DIP2C: variants seen among roughly 807,000 people sequenced by gnomAD.
DIP2C encodes the protein DIP2 acetate--CoA ligase C (putative).
A neutral mutation model predicts 192.4 loss-of-function variants in DIP2C; 33 were observed. The ratio of observed to expected loss-of-function variants is 0.17; its 90% CI spans 0.13 to 0.23. DIP2C has a LOEUF of 0.23. Among genes scored for constraint, DIP2C ranks in the 10% least tolerant of loss-of-function variants. The pLI is 1.00. For missense variants in DIP2C, 1,537 were observed against 2,110.1 expected, an observed-to-expected ratio of 0.73 and a Z score of 5.32; for synonymous variants, 979 against 864.1, an observed-to-expected ratio of 1.13 and a Z score of -2.33.
intron 3 of DIP2C, among the ~76,000 whole-genome samples, chr10:454,338 C>T (rs1339977324): frequency 3.3e-5 from 5 of 152,014 alleles, no homozygotes; most frequent in African/African-American, 4.8e-5. Flanking sequence ...CATTTAACAG[C>T]GTTTCTTAAA....
At chr10:541,620 C>T (rs1203636151) in intron 1 of DIP2C, among the ~76,000 whole-genome samples, 1 of 149,022 alleles carries the variant, frequency 6.7e-6, no homozygotes, top group Non-Finnish European at 1.5e-5. Flanking sequence ...CCACACCCAT[C>T]TCTCCTGGAC....
Position 359,472 on chromosome 10 carries a change from T to C in DIP2C, c.2795-1535A>G, listed in dbSNP as rs746869059. Among the ~76,000 whole-genome samples the C allele has an allele frequency of 2.0e-5, 3 of 152,138 alleles. No individual in the cohort carries two copies. In the South Asian group the frequency reaches 6.2e-4, roughly 32 times the overall value. ...GTAGGAGCCTCGAGTCTGGACTCTGTGTAACAGTAAGATGCCTCCTACACT... is the reference window on the plus strand; with the variant it reads ...GTAGGAGCCTCGAGTCTGGACTCTGCGTAACAGTAAGATGCCTCCTACACT... On this transcript the variant is annotated intron_variant, in intron 22 of 36. Coordinates refer to ENST00000280886, the MANE Select transcript of DIP2C (RefSeq NM_014974.3).
intron 1 of DIP2C, among the ~76,000 whole-genome samples, chr10:523,420 A>C (rs75792137): frequency 2.6e-5 from 2 of 75,982 alleles, no homozygotes; most frequent in Admixed American, 1.6e-4. Context: ...CCTGGAGTGA[A>C]GATGCAGGGG....
At chr10:395,781 G>A (rs1435851518) in intron 10 of DIP2C, among the ~76,000 whole-genome samples, 1 of 152,188 alleles carries the variant, frequency 6.6e-6, no homozygotes. Context: ...TCCTGGAGGT[G>A]AGGGACAGGC....
intron 2 of DIP2C, among the ~76,000 whole-genome samples, chr10:478,540 G>C (rs1054921264): frequency 6.6e-6 from 1 of 151,264 alleles, no homozygotes; most frequent in Non-Finnish European, 1.5e-5. Flanking sequence ...AGGCATGCTG[G>C]GGGTGTAGAC....
chr10:323,657 A>T (rs1300977807), intron 31 of DIP2C, among the ~76,000 whole-genome samples: 2 of 152,220 alleles, frequency 1.3e-5, no homozygotes, highest in African/African-American at 4.8e-5. Context: ...TGATTATCTC[A>T]GGGTAGATGG....
At chr10:504,766 G>A (rs1303772947) in intron 1 of DIP2C, among the ~76,000 whole-genome samples, 1 of 152,230 alleles carries the variant, frequency 6.6e-6, no homozygotes, top group African/African-American at 2.4e-5. Flanking sequence ...CCGCTAACCT[G>A]GTTCTTTTCA....
At chr10:393,835 A>AAAAAAC (rs774435713) in intron 10 of DIP2C, among the ~76,000 whole-genome samples, 4,379 of 150,304 alleles carry the variant, frequency 0.029, 78 homozygotes, top group African/African-American at 0.066. Context: ...GGAAAAAAAA[A>AAAAAAC]AAAAACAACC....
At chr10:381,085 C>T (rs1441155006) in intron 17 of DIP2C, among the ~76,000 whole-genome samples, 2 of 152,150 alleles carry the variant, frequency 1.3e-5, no homozygotes, top group Non-Finnish European at 2.9e-5. Context: ...ATCAGGGTAA[C>T]GAAAGGTACA....
chr10:316,896 A>G (rs114690944), intron 31 of DIP2C, among the ~76,000 whole-genome samples: 1,694 of 152,270 alleles, frequency 0.011, 33 homozygotes, highest in African/African-American at 0.038. Context: ...CATGGGAAAA[A>G]CCACATACAG....
At chr10:587,535 ATCC>A (rs1167050826) in intron 1 of DIP2C, among the ~76,000 whole-genome samples, 4 of 152,208 alleles carry the variant, frequency 2.6e-5, no homozygotes, top group African/African-American at 9.7e-5. Flanking sequence ...AATCCCAGCT[ATCC>A]TCAAGACATT....
chr10:473,635 G>A (rs113406618), intron 2 of DIP2C, among the ~76,000 whole-genome samples: 2 of 151,668 alleles, frequency 1.3e-5, no homozygotes, highest in African/African-American at 2.4e-5. Context: ...CTCCGTGAAC[G>A]GCTCTGATAC....
chr10:556,847 C>G (rs1848903916), intron 1 of DIP2C, among the ~76,000 whole-genome samples: 1 of 152,210 alleles, frequency 6.6e-6, no homozygotes, highest in Non-Finnish European at 1.5e-5. Flanking sequence ...GAGCCCCGAC[C>G]CTGGAAGGGA....
chr10:662,597 T>C (rs1856826227), intron 1 of DIP2C, among the ~76,000 whole-genome samples: 1 of 152,200 alleles, frequency 6.6e-6, no homozygotes, highest in African/African-American at 2.4e-5. Context: ...GAGAGAGTAA[T>C]TGATTGGATA....
At chr10:582,283 G>A (rs1296414778) in intron 1 of DIP2C, among the ~76,000 whole-genome samples, 1 of 152,218 alleles carries the variant, frequency 6.6e-6, no homozygotes, top group Non-Finnish European at 1.5e-5. Context: ...TGGGCAGAAA[G>A]GAAGCCTGAG....
At chr10:588,256 T>C (rs1170622079) in intron 1 of DIP2C, among the ~76,000 whole-genome samples, 1,405 of 77,620 alleles carry the variant, frequency 0.018, no homozygotes, top group Middle Eastern at 0.062. Context: ...CAGCCACTGC[T>C]TCAGCCCTGA....
rs77740792 is a variant in DIP2C, at chr10:354,691, G to A, written c.2985+1735C>T. ...CTGCCCCTGACTGCTTGCAGCTTGC[G>A]GAGGGGTAGCCACCTCTGTGAGGAA... On this transcript the variant is annotated intron_variant, in intron 24 of 36. Coordinates refer to ENST00000280886, the MANE Select transcript of DIP2C (RefSeq NM_014974.3). Among the ~76,000 whole-genome samples the A allele has an allele frequency of 6.6e-3, 998 of 152,158 alleles. 10 individuals carry two copies. The highest frequency in any genetic ancestry group is 0.023 in the African/African-American group (944 of 41,508).
At chr10:611,222 A>G (rs901635521) in intron 1 of DIP2C, among the ~76,000 whole-genome samples, 8 of 152,136 alleles carry the variant, frequency 5.3e-5, no homozygotes, top group African/African-American at 1.7e-4. Context: ...CCGGCCATGT[A>G]AAGACGTGCC....
intron 2 of DIP2C, among the ~76,000 whole-genome samples, chr10:475,103 G>A (rs1303836069): frequency 6.6e-6 from 1 of 152,132 alleles, no homozygotes; most frequent in African/African-American, 2.4e-5. Context: ...TGGAGCCTCT[G>A]TTGTCAGTAT....
Sources: gnomAD v4.1 joint callset for allele counts (sites outside exome capture counted in the v4.1 genomes callset) on GRCh38, gnomAD v4.1.1 for gene constraint, MANE v1.5 for transcripts, NCBI Gene and HGNC (gene_info 2026-07-23, HGNC 2026-07-21) for gene names.